THSD7A: variants seen among roughly 807,000 people sequenced by gnomAD.
THSD7A encodes thrombospondin type-1 domain-containing protein 7A.
A neutral mutation model predicts 231.3 loss-of-function variants in THSD7A; 96 were observed. The observed-to-expected ratio is 0.41, with a 90% CI of 0.35 to 0.49. THSD7A has a LOEUF of 0.49. Among genes scored for constraint, THSD7A ranks in the 20% least tolerant of loss-of-function variants. The pLI, the probability that THSD7A is intolerant of heterozygous loss-of-function variation, is 0.05. For synonymous variants in THSD7A, 940 were observed against 743.3 expected, an observed-to-expected ratio of 1.26 and a Z score of -4.30; for missense variants, 2,290 against 2,070.2, an observed-to-expected ratio of 1.11 and a Z score of -2.06.
At chr7:11,429,182 C>T in intron 13 of THSD7A, 57 bp from the exon 14 acceptor site, 1 of 1,484,572 alleles carries the variant, frequency 6.7e-7, no homozygotes, top group Non-Finnish European at 9.0e-7. Context: ...TCTCCCATTA[C>T]CACCCACTAT....
At chr7:11,600,126 C>T (rs1028902748) in intron 2 of THSD7A, among the ~76,000 whole-genome samples, 1 of 151,804 alleles carries the variant, frequency 6.6e-6, no homozygotes. Flanking sequence ...TATATATGGC[C>T]TATTAGTTCT....
Position 11,417,617 on chromosome 7 carries a change from TA to T in THSD7A, c.3384-15del, listed in dbSNP as rs1784006092. ...TTCTGCATGCATCTAGAAAAGAACA[TA>T]AACATATTCTAGAAAATATACATAC... On this transcript the variant is annotated splice_polypyrimidine_tract_variant and intron_variant, in intron 16 of 27. Transcript: ENST00000423059. 3.1e-6 allele frequency: 5 copies of T among 1,591,042 alleles called. No homozygotes were observed. The African/African-American group carries it at 6.8e-5, about 22-fold the overall frequency.
intron 4 of THSD7A, among the ~76,000 whole-genome samples, chr7:11,581,635 T>A (rs1390674586): frequency 6.6e-6 from 1 of 152,118 alleles, no homozygotes; most frequent in African/African-American, 2.4e-5. Flanking sequence ...GTAACATGAT[T>A]GCTTCTGAAT....
chr7:11,829,146 A>G (rs1785114705), intron 1 of THSD7A, among the ~76,000 whole-genome samples: 1 of 152,114 alleles, frequency 6.6e-6, no homozygotes, highest in African/African-American at 2.4e-5. Context: ...CTTCTGATCA[A>G]TAGTTGGCTA....
chr7:11,460,708 G>A lies in THSD7A; in HGVS notation c.2559C>T (p.Asp853=). 6.2e-7 allele frequency: 1 copy of A among 1,612,422 alleles called. No homozygotes were observed. The highest frequency in any genetic ancestry group is 8.5e-7 in the Non-Finnish European group (1 of 1,179,288). ...CQLVPWSVQQ[D]SPGAQEGCGP... is the part of the protein sequence containing the mutation. ...CACAGCCTTCCTGTGCTCCAGGGCT[G>A]TCTTGTTGCACGCTCCAAGGGACTA... The change falls in exon 11 of 28, where the codon GAC becomes GAT. Residue 853 remains aspartate (D), a synonymous_variant. Coordinates refer to ENST00000423059, the MANE Select transcript of THSD7A (RefSeq NM_015204.3).
chr7:11,729,168 T>TCAAATTATATAATTTGG (rs1421436422), intron 1 of THSD7A, among the ~76,000 whole-genome samples: 1 of 151,786 alleles, frequency 6.6e-6, no homozygotes, highest in Admixed American at 6.6e-5. Context: ...AACCAGCATA[T>TCAAATTATATAATTTGG]CAAATTATAT....
At chr7:11,564,063 G>C (rs915994759) in intron 4 of THSD7A, among the ~76,000 whole-genome samples, 2 of 152,164 alleles carry the variant, frequency 1.3e-5, no homozygotes, top group African/African-American at 4.8e-5. Flanking sequence ...TTTGGAGTTA[G>C]AGAAGGTCTA....
intron 24 of THSD7A, among the ~76,000 whole-genome samples, chr7:11,381,067 C>G (rs563698498): frequency 1.3e-5 from 2 of 152,040 alleles, no homozygotes; most frequent in Non-Finnish European, 2.9e-5. Flanking sequence ...GTTAAATTTT[C>G]TTTGAATAGT....
chr7:11,629,563 C>T (rs1276767121), intron 2 of THSD7A, among the ~76,000 whole-genome samples: 2 of 152,100 alleles, frequency 1.3e-5, no homozygotes, highest in Non-Finnish European at 2.9e-5. Context: ...CAATTTTCTC[C>T]TTTCTCTTTG....
intron 25 of THSD7A, 136 bp downstream of exon 25, chr7:11,379,494 T>C: frequency 1.1e-6 from 1 of 917,800 alleles, no homozygotes; most frequent in Non-Finnish European, 1.7e-6. Flanking sequence ...CTTTTTAGAT[T>C]GATAAAAGGA....
At chr7:11,786,351 C>T (rs531619462) in intron 1 of THSD7A, among the ~76,000 whole-genome samples, 10 of 152,144 alleles carry the variant, frequency 6.6e-5, no homozygotes, top group African/African-American at 2.2e-4. Flanking sequence ...GAAACCCCTG[C>T]GGAGAGATTC....
At chr7:11,715,216 G>A (rs1198377436) in intron 1 of THSD7A, among the ~76,000 whole-genome samples, 4 of 151,400 alleles carry the variant, frequency 2.6e-5, no homozygotes, top group Admixed American at 1.3e-4. Flanking sequence ...TCTGAAAGCT[G>A]AGAAACACAT....
chr7:11,387,975 T>C (rs1054018579), intron 23 of THSD7A, among the ~76,000 whole-genome samples: 1 of 152,166 alleles, frequency 6.6e-6, no homozygotes, highest in Non-Finnish European at 1.5e-5. Flanking sequence ...GTTTTTGTCA[T>C]TGATTCTGTT....
In THSD7A at chr7:11,446,240, T is replaced by G. The variant is rs1336778667; in HGVS notation, c.2885A>C (p.Asn962Thr). Reference protein sequence around the residue: ...ETQYCPCDKYNAQPVGNWSDC... With the variant: ...ETQYCPCDKYTAQPVGNWSDC... ...TGACCAGTTCCCCACAGGTTGTGCA[T>G]TATATTTGTCACAAGGACAATACTG... Residue 962 changes from asparagine (N) to threonine (T), a missense_variant, in exon 13 of 28, where the codon AAT becomes ACT. Transcript: ENST00000423059. This position sits in a 1 kb window ranked among gnomAD's most constrained non-coding sequence, Gnocchi z 4.0. 6.8e-6 allele frequency: 11 copies of G among 1,613,428 alleles called. No individual in the cohort carries two copies. Among genetic ancestry groups the G allele is most frequent in the Non-Finnish European group, 9.3e-6 (11 of 1,179,630 alleles).
intron 4 of THSD7A, among the ~76,000 whole-genome samples, chr7:11,560,476 G>C (rs1412535238): frequency 1.3e-5 from 2 of 152,074 alleles, no homozygotes; most frequent in Admixed American, 6.5e-5. Context: ...GTCACTGTGA[G>C]AGCCCTGAAA....
chr7:11,435,083 C>A (rs1361851513), intron 13 of THSD7A, among the ~76,000 whole-genome samples: 1 of 151,784 alleles, frequency 6.6e-6, no homozygotes, highest in South Asian at 2.1e-4. Flanking sequence ...TAAATTTTCA[C>A]AGAAAATTTC....
At position 11,634,888 on chromosome 7, in the gene THSD7A, C is replaced by G. The variant is rs1230633964; in HGVS notation, c.1022+1242G>C. On this transcript the variant is annotated intron_variant, in intron 2 of 27. Coordinates refer to ENST00000423059, the MANE Select transcript of THSD7A (RefSeq NM_015204.3). This position sits in a 1 kb window ranked among gnomAD's most constrained non-coding sequence, Gnocchi z 4.1. ...TAAACTATATCCTTTTCCAAAAACA[C>G]TTTAAACCAGATTTCAAAATCTATG... Among the ~76,000 whole-genome samples the G allele has an allele frequency of 2.0e-5, 3 of 151,764 alleles. No individual in the cohort carries two copies. The highest frequency in any genetic ancestry group is 4.4e-5 in the Non-Finnish European group (3 of 67,956).
chr7:11,673,601 C>A (rs763094986), intron 1 of THSD7A, among the ~76,000 whole-genome samples: 1 of 152,176 alleles, frequency 6.6e-6, no homozygotes, highest in Non-Finnish European at 1.5e-5. Context: ...GCCTGCCTGG[C>A]CACTCCTGCA....
At chr7:11,559,711 A>G (rs985003306) in intron 4 of THSD7A, among the ~76,000 whole-genome samples, 1 of 152,078 alleles carries the variant, frequency 6.6e-6, no homozygotes, top group African/African-American at 2.4e-5. Flanking sequence ...ATTAACCACT[A>G]ACGGTCACAT....
Sources: gnomAD v4.1 joint callset for allele counts (sites outside exome capture counted in the v4.1 genomes callset) on GRCh38, gnomAD v4.1.1 for gene constraint, Gnocchi (gnomAD v3.1) non-coding constraint, MANE v1.5 for transcripts, NCBI Gene and HGNC (gene_info 2026-07-23, HGNC 2026-07-21) for gene names.